The following SLC22A4 variants were observed in gnomAD, a reference collection of about 807,000 sequenced individuals.
The protein encoded by SLC22A4 is solute carrier family 22 member 4.
SLC22A4 carries 39 observed loss-of-function variants against 56.6 expected under a neutral mutation model. The ratio of observed to expected loss-of-function variants is 0.69; its 90% confidence interval spans 0.53 to 0.90. The LOEUF (loss-of-function observed/expected upper bound fraction) is 0.90, where lower values mean the gene tolerates loss of function less well. SLC22A4 is among the 40% of genes least tolerant of loss of function. The pLI, the probability that SLC22A4 is intolerant of heterozygous loss-of-function variation, is 0.00. For missense variants in SLC22A4, 594 were observed against 696.5 expected (o/e 0.85, Z 1.66); for synonymous variants, 241 against 281.4 (o/e 0.86, Z 1.44).
chr5:132,309,810 A>G (rs1385212421), intron 1 of SLC22A4, among the ~76,000 whole-genome samples: 1 of 152,272 alleles, frequency 6.6e-6, no homozygotes, highest in Non-Finnish European at 1.5e-5. Flanking sequence ...TGCTCATGCA[A>G]TGCCTGGCTC....
intron 7 of SLC22A4, among the ~76,000 whole-genome samples, 193 bp from the exon 8 acceptor site, chr5:132,335,625 A>G (rs953421977): frequency 2.0e-5 from 3 of 152,244 alleles, no homozygotes; most frequent in African/African-American, 7.2e-5. Context: ...CAAAGTACAA[A>G]GCCACCCCTC....
At chr5:132,335,066 G>A in intron 7 of SLC22A4, 134 bp downstream of exon 7, 1 of 723,736 alleles carries the variant, frequency 1.4e-6, no homozygotes, top group Non-Finnish European at 2.5e-6. Flanking sequence ...ACAGGTGATT[G>A]CTCACTACGT....
chr5:132,304,387 C>A (rs1198051014), intron 1 of SLC22A4, among the ~76,000 whole-genome samples: 1 of 152,304 alleles, frequency 6.6e-6, no homozygotes, highest in South Asian at 2.1e-4. Context: ...GAGGCCAAGG[C>A]GGGTGGATCA....
rs909300958 is a variant in SLC22A4, at chr5:132,327,373, T to C, written c.921T>C (p.Ala307=). 1 of 1,612,462 alleles carries C rather than the reference T, an allele frequency of 6.2e-7. No homozygotes were observed. The highest frequency in any genetic ancestry group is 8.5e-7 in the Non-Finnish European group (1 of 1,178,506). The change falls in exon 5 of 10, where the codon GCT becomes GCC. Residue 307 remains alanine (A), a synonymous_variant. Coordinates refer to ENST00000200652, the MANE Select transcript of SLC22A4 (RefSeq NM_003059.3). ...AAGCTGCAAAAATGAACAACATAGC[T>C]GTACCAGCAGTGATATTTGATTCTG... ...IQKAAKMNNI[A]VPAVIFDSVE... is the part of the protein sequence containing the mutation.
Position 132,312,214 on chromosome 5 carries a change from C to T in SLC22A4, c.447C>T (p.Phe149=). 18 of 1,613,924 alleles carry T rather than the reference C, an allele frequency of 1.1e-5. No individual in the cohort carries two copies. Among genetic ancestry groups the T allele is most frequent in the Non-Finnish European group, 1.4e-5 (17 of 1,179,764 alleles). The change falls in exon 2 of 10, where the codon TTC becomes TTT. Residue 149 remains phenylalanine (F), a synonymous_variant. Transcript: ENST00000200652. ...AGGTGCCCCTCACCACCTCCCTGTTCTTCGTAGGCGTGCTCCTCGGCTCCT... is the reference window on the plus strand; with the variant it reads ...AGGTGCCCCTCACCACCTCCCTGTTTTTCGTAGGCGTGCTCCTCGGCTCCT... ...NWKVPLTTSL[F]FVGVLLGSFV...
chr5:132,306,882 T>C (rs1048293172), intron 1 of SLC22A4, among the ~76,000 whole-genome samples: 1 of 152,202 alleles, frequency 6.6e-6, no homozygotes, highest in Non-Finnish European at 1.5e-5. Flanking sequence ...ATTCCATTTA[T>C]ATGAAATGTC....
chr5:132,309,287 C>T (rs554939453), intron 1 of SLC22A4, among the ~76,000 whole-genome samples: 18 of 152,216 alleles, frequency 1.2e-4, no homozygotes, highest in Non-Finnish European at 2.5e-4. Flanking sequence ...ACCATAACTC[C>T]CCAAAGGAGA....
Position 132,340,540 on chromosome 5 carries a change from T to C in SLC22A4, c.1445-25T>C. The C allele has an allele frequency of 3.7e-6, 6 of 1,612,876 alleles. No individual in the cohort carries two copies. In the South Asian group the frequency reaches 5.5e-5, roughly 15 times the overall value. ...CCAGAGAGTCCTCCTATCTGATTGA[T>C]GTTCTTATGTCCCGGGCTTTACAGG... On this transcript the variant is annotated intron_variant, in intron 8 of 9. Transcript: ENST00000200652.
At position 132,295,917 on chromosome 5, in the gene SLC22A4, C is replaced by T. The variant is rs1002820046; in HGVS notation, c.393+908C>T. 1.2e-4 allele frequency among the ~76,000 whole-genome samples: 18 copies of T among 152,354 alleles called. 1 individual carries two copies. The highest frequency in any genetic ancestry group is 8.3e-4 in the South Asian group (4 of 4,830). On this transcript the variant is annotated intron_variant, in intron 1 of 9. Coordinates refer to ENST00000200652, the MANE Select transcript of SLC22A4 (RefSeq NM_003059.3). ...AGTCCCTTATCCCTTTCCCTCAGCA[C>T]GGTATAGCGGTCATCAGACATTGTG...
chr5:132,307,424 T>C (rs1178241403), intron 1 of SLC22A4, among the ~76,000 whole-genome samples: 1 of 152,246 alleles, frequency 6.6e-6, no homozygotes, highest in Non-Finnish European at 1.5e-5. Context: ...ATAAGAGCTT[T>C]TCTAGCTTTT....
At chr5:132,326,262 C>T (rs1004719236) in intron 4 of SLC22A4, among the ~76,000 whole-genome samples, 4 of 152,350 alleles carry the variant, frequency 2.6e-5, no homozygotes, top group Middle Eastern at 3.4e-3. Context: ...GCCTGACCTA[C>T]CTTAAACATG....
At chr5:132,326,365 TA>T (rs988982872) in intron 4 of SLC22A4, among the ~76,000 whole-genome samples, 1 of 152,224 alleles carries the variant, frequency 6.6e-6, no homozygotes, top group African/African-American at 2.4e-5. Flanking sequence ...TGTAATTTAT[TA>T]AATACTGTAC....
At chr5:132,306,422 T>G (rs1750037759) in intron 1 of SLC22A4, among the ~76,000 whole-genome samples, 3 of 78,716 alleles carry the variant, frequency 3.8e-5, no homozygotes, top group African/African-American at 9.7e-5. Flanking sequence ...TATATATATA[T>G]ATATATATAT....
At position 132,322,985 on chromosome 5, in the gene SLC22A4, G is replaced by A. The variant is rs3805671; in HGVS notation, c.824+630G>A. 2.4e-4 allele frequency among the ~76,000 whole-genome samples: 37 copies of A among 152,238 alleles called. No individual in the cohort carries two copies. The East Asian group carries it at 7.0e-3, about 29-fold the overall frequency. On this transcript the variant is annotated intron_variant, in intron 4 of 9. Coordinates refer to ENST00000200652, the MANE Select transcript of SLC22A4 (RefSeq NM_003059.3). Reference sequence around the variant, plus strand: ...CAATATGACTATCTGGGGGATTTCAGGTGAAAGAATAAATTAAAAATCATA... The same window carrying A: ...CAATATGACTATCTGGGGGATTTCAAGTGAAAGAATAAATTAAAAATCATA...
intron 3 of SLC22A4, among the ~76,000 whole-genome samples, chr5:132,319,156 G>C (rs533901136): frequency 1.8e-4 from 27 of 152,180 alleles, no homozygotes; most frequent in African/African-American, 6.3e-4. Flanking sequence ...ACAAAAATTA[G>C]CCGGGCATGG....
intron 3 of SLC22A4, 76 bp downstream of exon 3, chr5:132,313,844 C>A: frequency 6.9e-7 from 1 of 1,451,902 alleles, no homozygotes; most frequent in Non-Finnish European, 9.6e-7. Flanking sequence ...ATCATTGGGC[C>A]ATTGGGCTGT....
In SLC22A4 at chr5:132,322,235, T is replaced by C. The variant is rs1165991929; in HGVS notation, c.704T>C (p.Val235Ala). 1 of 1,613,856 alleles carries C rather than the reference T, an allele frequency of 6.2e-7. No individual in the cohort carries two copies. The change falls in exon 4 of 10, where the codon GTG (valine) becomes GCG (alanine). Residue 235 changes from valine to alanine, a missense_variant. Val to Ala is a moderately conservative substitution (Grantham distance 64). Coordinates refer to ENST00000200652, the MANE Select transcript of SLC22A4 (RefSeq NM_003059.3). The stretch of plus-strand genomic sequence containing the variant: ...CGTATTATATTCTCTACATTAGGAG[T>C]GTGCACATTTTTTGCAGTTGGCTAT... ...SVRIIFSTLGVCTFFAVGYML... is the reference protein window; with the variant it reads ...SVRIIFSTLGACTFFAVGYML...
intron 1 of SLC22A4, among the ~76,000 whole-genome samples, chr5:132,298,334 T>C (rs1749825751): frequency 6.6e-6 from 1 of 152,210 alleles, no homozygotes; most frequent in African/African-American, 2.4e-5. Context: ...ACAACGTGGA[T>C]AAACCTTGAG....
At position 132,325,028 on chromosome 5, in the gene SLC22A4, T is replaced by C. The variant is rs183746524; in HGVS notation, c.825-2249T>C. 3.4e-3 allele frequency among the ~76,000 whole-genome samples: 511 copies of C among 152,136 alleles called. 4 individuals are homozygous for C. The highest frequency in any genetic ancestry group is 0.012 in the African/African-American group (486 of 41,492). ...AGGCTTGGCAGTAAGTGGCCACAGGTGTGAATGGAGTATGTGTATAGGCGG... is the reference window on the plus strand; with the variant it reads ...AGGCTTGGCAGTAAGTGGCCACAGGCGTGAATGGAGTATGTGTATAGGCGG... On this transcript the variant is annotated intron_variant, in intron 4 of 9. Coordinates refer to ENST00000200652, the MANE Select transcript of SLC22A4 (RefSeq NM_003059.3).
Sources: gnomAD v4.1 joint callset for allele counts (sites outside exome capture counted in the v4.1 genomes callset) on GRCh38, gnomAD v4.1.1 for gene constraint, MANE v1.5 for transcripts, NCBI Gene and HGNC (gene_info 2026-07-23, HGNC 2026-07-21) for gene names.